Variants in GABRG3 observed in about 807,000 individuals in gnomAD.
GABRG3 encodes the protein gamma-aminobutyric acid receptor subunit gamma-3.
GABRG3 carries 25 observed loss-of-function variants against 48.8 expected under a neutral mutation model. The ratio of observed to expected loss-of-function variants is 0.51; its 90% CI spans 0.37 to 0.72. The LOEUF is 0.72. Ranked by LOEUF, GABRG3 falls within the 30% of genes least tolerant of loss-of-function variation. The probability of loss-of-function intolerance (pLI) is 0.00; values close to 1 mark genes in which losing one functional copy is unlikely to be tolerated. For missense variants in GABRG3, 394 were observed against 577.9 expected (o/e 0.68, Z 3.26); for synonymous variants, 227 against 217.6 (o/e 1.04, Z -0.38).
rs557768649 is a variant in GABRG3, at chr15:27,333,850, CTG to C, written c.574+4964_574+4965del. 7.8e-3 allele frequency among the ~76,000 whole-genome samples: 1,186 copies of C among 152,240 alleles called. 14 individuals carry two copies. Among genetic ancestry groups the C allele is most frequent in the African/African-American group, 0.027 (1,131 of 41,546 alleles). On this transcript the variant is annotated intron_variant, in intron 5 of 9. Coordinates refer to ENST00000615808, the MANE Select transcript of GABRG3 (RefSeq NM_033223.5). ...TCATTCCCCAGTGAATTATGACAAA[CTG>C]TATTGTTTAATCTGTGTCTTAATAT... is the stretch of plus-strand genomic sequence containing the variant.
intron 3 of GABRG3, among the ~76,000 whole-genome samples, chr15:27,145,463 G>A (rs983569000): frequency 6.6e-6 from 1 of 152,056 alleles, no homozygotes; most frequent in Non-Finnish European, 1.5e-5. Flanking sequence ...TGACAGAAGA[G>A]AGCATCAGTT....
intron 7 of GABRG3, among the ~76,000 whole-genome samples, chr15:27,523,988 A>G (rs1171324321): frequency 1.3e-5 from 2 of 152,100 alleles, no homozygotes; most frequent in Admixed American, 1.3e-4. Context: ...ACAATGGATA[A>G]AAAATACTCA....
At chr15:27,402,814 A>G (rs902820611) in intron 5 of GABRG3, among the ~76,000 whole-genome samples, 15 of 152,230 alleles carry the variant, frequency 9.9e-5, no homozygotes, top group African/African-American at 3.6e-4. Flanking sequence ...ACAGGAGGAG[A>G]GCAAGAAATA....
In GABRG3 at chr15:26,971,604, G is replaced by T. The variant is rs749193405; in HGVS notation, c.53+16G>T. 5.2e-6 allele frequency: 8 copies of T among 1,524,350 alleles called. No homozygotes were observed. In the South Asian group the frequency reaches 8.6e-5, roughly 16 times the overall value. 94.4% of individuals were successfully genotyped at this position (1,524,350 alleles called of 1,614,324 possible). ...TGCACGCGCGGTAAGTGGCGCGGGG[G>T]CCGCATCCCCGGAGGCCCCGAGCTG... On this transcript the variant is annotated intron_variant, in intron 1 of 9. Coordinates refer to ENST00000615808, the MANE Select transcript of GABRG3 (RefSeq NM_033223.5).
chr15:27,455,366 G>A (rs1889232826), intron 5 of GABRG3, among the ~76,000 whole-genome samples: 2 of 87,722 alleles, frequency 2.3e-5, no homozygotes. Context: ...GTATGCCGTG[G>A]GTGGTTCGTG....
At chr15:27,448,186 G>A (rs1889000041) in intron 5 of GABRG3, among the ~76,000 whole-genome samples, 1 of 152,100 alleles carries the variant, frequency 6.6e-6, no homozygotes, top group African/African-American at 2.4e-5. Flanking sequence ...TGAGAAAACT[G>A]TAATATATTT....
intron 2 of GABRG3, among the ~76,000 whole-genome samples, chr15:26,991,581 G>T (rs1208573877): frequency 6.6e-6 from 1 of 151,850 alleles, no homozygotes; most frequent in Non-Finnish European, 1.5e-5. Context: ...TCCATTTTTT[G>T]ATATCCTCTT....
chr15:27,067,729 G>A (rs909097068), intron 3 of GABRG3, among the ~76,000 whole-genome samples: 3 of 152,170 alleles, frequency 2.0e-5, no homozygotes, highest in Admixed American at 6.5e-5. Context: ...CTGTTCAGGC[G>A]GCTCTGCCTT....
intron 5 of GABRG3, among the ~76,000 whole-genome samples, chr15:27,454,678 C>T (rs1285413090): frequency 1.3e-5 from 2 of 152,160 alleles, no homozygotes; most frequent in Non-Finnish European, 2.9e-5. Context: ...AACAGTAAGG[C>T]CACAGAAACA....
At chr15:27,091,148 T>C (rs1312175133) in intron 3 of GABRG3, among the ~76,000 whole-genome samples, 1 of 152,236 alleles carries the variant, frequency 6.6e-6, no homozygotes, top group Non-Finnish European at 1.5e-5. Context: ...TTTTATCATG[T>C]TGAGGAAGTT....
intron 3 of GABRG3, among the ~76,000 whole-genome samples, chr15:27,132,809 TC>T (rs2140384116): frequency 6.6e-6 from 1 of 151,848 alleles, no homozygotes; most frequent in South Asian, 2.1e-4. Context: ...TTATCTGTGC[TC>T]TAATCTTTAT....
chr15:27,306,709 T>C (rs1189847643), intron 3 of GABRG3, among the ~76,000 whole-genome samples: 5 of 125,290 alleles, frequency 4.0e-5, no homozygotes, highest in African/African-American at 1.3e-4. Flanking sequence ...TATAAACATA[T>C]ACAATATAAA....
chr15:27,011,692 C>CA (rs1895689901), intron 2 of GABRG3, among the ~76,000 whole-genome samples: 1 of 151,690 alleles, frequency 6.6e-6, no homozygotes, highest in South Asian at 2.1e-4. Flanking sequence ...CTAAAAAATA[C>CA]AAAAAATTAG....
intron 5 of GABRG3, among the ~76,000 whole-genome samples, chr15:27,361,333 A>G (rs1024229468): frequency 6.6e-6 from 1 of 152,130 alleles, no homozygotes; most frequent in African/African-American, 2.4e-5. Flanking sequence ...TCTCTTTTCC[A>G]AATGGTATCT....
intron 5 of GABRG3, among the ~76,000 whole-genome samples, chr15:27,351,141 GGTGT>G (rs763562179): frequency 2.1e-5 from 3 of 145,412 alleles, no homozygotes; most frequent in East Asian, 4.3e-4. Context: ...GTTTGAGTAT[GGTGT>G]GTGTGTATGG....
At chr15:27,139,975 A>G (rs1004401464) in intron 3 of GABRG3, among the ~76,000 whole-genome samples, 1 of 152,184 alleles carries the variant, frequency 6.6e-6, no homozygotes, top group Non-Finnish European at 1.5e-5. Context: ...TTGGGTTCAG[A>G]GAGCTTCCGG....
intron 3 of GABRG3, among the ~76,000 whole-genome samples, chr15:27,268,196 T>C (rs1890979255): frequency 6.6e-6 from 1 of 152,200 alleles, no homozygotes; most frequent in Non-Finnish European, 1.5e-5. Flanking sequence ...GAATTTTTAC[T>C]GAAATTTCAA....
chr15:27,416,238 G>A (rs1887936920), intron 5 of GABRG3, among the ~76,000 whole-genome samples: 1 of 152,182 alleles, frequency 6.6e-6, no homozygotes, highest in Non-Finnish European at 1.5e-5. Context: ...TAATCATATG[G>A]TGGTAAGGTG....
chr15:27,488,481 T>C (rs1037375566), intron 6 of GABRG3, among the ~76,000 whole-genome samples: 4 of 152,116 alleles, frequency 2.6e-5, no homozygotes, highest in African/African-American at 9.7e-5. Context: ...AGTTTCCTCA[T>C]CTGCAAAATG....
Sources: allele counts gnomAD v4.1 joint callset (sites outside exome capture counted in the v4.1 genomes callset), GRCh38; gene constraint gnomAD v4.1.1; transcripts MANE v1.5; gene names NCBI Gene and HGNC (gene_info 2026-07-23, HGNC 2026-07-21).